ENTREP2: variants seen among roughly 807,000 people sequenced by gnomAD.
ENTREP2 encodes protein ENTREP2.
chr15:29,442,690 A>T, the ENTREP2 span, among the ~76,000 whole-genome samples: 2 of 152,218 alleles, frequency 1.3e-5, no homozygotes, highest in Non-Finnish European at 2.9e-5. Flanking sequence ...ATTGGAGGGC[A>T]CATCAATAAT....
chr15:29,196,315 G>T, the ENTREP2 span: 1 of 1,180,510 alleles, frequency 8.5e-7, no homozygotes, highest in Non-Finnish European at 1.2e-6. Flanking sequence ...CTCTTGCACT[G>T]AACCTACCCC....
At chr15:29,246,378 T>C in the ENTREP2 span, among the ~76,000 whole-genome samples, 4 of 116,236 alleles carry the variant, frequency 3.4e-5, no homozygotes, top group African/African-American at 1.3e-4. Context: ...AGCAACAGAG[T>C]GAAACCCTGT....
the ENTREP2 span, among the ~76,000 whole-genome samples, chr15:29,599,134 A>G: frequency 6.6e-6 from 1 of 152,232 alleles, no homozygotes; most frequent in Non-Finnish European, 1.5e-5. Context: ...TCTCAGCTCT[A>G]CTGGATGTTA....
chr15:29,444,188 AAGAAAGAAAGAAAGAAAGAAAGAAAG>A, the ENTREP2 span, among the ~76,000 whole-genome samples: 1 of 107,364 alleles, frequency 9.3e-6, no homozygotes, highest in African/African-American at 3.7e-5. Context: ...GAAAGAAAGA[AAGAAAGAAAGAAAGAAAGAAAGAAAG>A]AAAGAAAGAA....
At chr15:29,456,847 A>G in the ENTREP2 span, among the ~76,000 whole-genome samples, 1,103 of 152,330 alleles carry the variant, frequency 7.2e-3, 10 homozygotes, top group African/African-American at 0.025. Context: ...CACATAATTC[A>G]TGTGGACTCA....
the ENTREP2 span, among the ~76,000 whole-genome samples, chr15:29,324,837 A>G: frequency 6.6e-6 from 1 of 152,242 alleles, no homozygotes; most frequent in Non-Finnish European, 1.5e-5. Context: ...TCTTCTTAGT[A>G]ATTGATACAT....
chr15:29,498,898 A>G, the ENTREP2 span, among the ~76,000 whole-genome samples: 27 of 152,232 alleles, frequency 1.8e-4, no homozygotes, highest in East Asian at 5.2e-3. Context: ...TTCATTACAT[A>G]ATGACCTTTT....
chr15:29,346,851 A>C, the ENTREP2 span, among the ~76,000 whole-genome samples: 1 of 152,210 alleles, frequency 6.6e-6, no homozygotes, highest in Non-Finnish European at 1.5e-5. Flanking sequence ...ACTAAAGCTA[A>C]AGCTAACCTC....
the ENTREP2 span, among the ~76,000 whole-genome samples, chr15:29,309,232 T>C: frequency 6.6e-6 from 1 of 152,224 alleles, no homozygotes; most frequent in Admixed American, 6.5e-5. Context: ...AATTTGAGTA[T>C]AGTGATAATG....
chr15:29,649,069 C>CAT, the ENTREP2 span, among the ~76,000 whole-genome samples: 1 of 151,830 alleles, frequency 6.6e-6, no homozygotes, highest in Non-Finnish European at 1.5e-5. Context: ...CACACACACA[C>CAT]ACACACACAC....
At chr15:29,252,266 T>C in the ENTREP2 span, 48 of 631,332 alleles carry the variant, frequency 7.6e-5, no homozygotes, top group Non-Finnish European at 1.2e-4. Flanking sequence ...ATTGAAAGTG[T>C]ACATGAGAAC....
the ENTREP2 span, among the ~76,000 whole-genome samples, chr15:29,475,123 T>C: frequency 6.6e-6 from 1 of 152,016 alleles, no homozygotes; most frequent in Non-Finnish European, 1.5e-5. Context: ...AGCGAGAGTG[T>C]GTGGGAGGGG....
the ENTREP2 span, among the ~76,000 whole-genome samples, chr15:29,133,506 C>T: frequency 2.6e-5 from 4 of 152,168 alleles, no homozygotes; most frequent in African/African-American, 7.2e-5. Flanking sequence ...GTGGTCCAGC[C>T]CTGCCCTCCA....
the ENTREP2 span, among the ~76,000 whole-genome samples, chr15:29,164,241 A>G: frequency 6.6e-5 from 10 of 152,340 alleles, 1 homozygote; most frequent in African/African-American, 2.4e-4. Context: ...CAGGACCTAT[A>G]AAACAAAAAT....
At chr15:29,209,585 G>A in the ENTREP2 span, among the ~76,000 whole-genome samples, 1 of 152,168 alleles carries the variant, frequency 6.6e-6, no homozygotes, top group South Asian at 2.1e-4. Flanking sequence ...CTCAAGGCCT[G>A]CCTCAGTTTC....
the ENTREP2 span, among the ~76,000 whole-genome samples, chr15:29,455,108 C>G: frequency 4.6e-5 from 7 of 152,194 alleles, no homozygotes; most frequent in African/African-American, 1.7e-4. Flanking sequence ...CCTCTTACAA[C>G]TCCTGAAACT....
At chr15:29,573,021 G>A in the ENTREP2 span, among the ~76,000 whole-genome samples, 10 of 152,178 alleles carry the variant, frequency 6.6e-5, no homozygotes, top group Admixed American at 2.6e-4. Context: ...AATTGGGTGT[G>A]TTTGGGAGAT....
the ENTREP2 span, among the ~76,000 whole-genome samples, chr15:29,421,412 C>T: frequency 1.3e-5 from 2 of 152,174 alleles, no homozygotes; most frequent in Admixed American, 1.3e-4. Context: ...ACAATGATAT[C>T]TACAACCAAT....
At chr15:29,541,618 A>G in the ENTREP2 span, among the ~76,000 whole-genome samples, 1 of 152,166 alleles carries the variant, frequency 6.6e-6, no homozygotes, top group Non-Finnish European at 1.5e-5. Context: ...TTAAGGGCAG[A>G]ATCTCACACC....
Sources: allele counts gnomAD v4.1 joint callset (sites outside exome capture counted in the v4.1 genomes callset), GRCh38; gene constraint gnomAD v4.1.1; transcripts MANE v1.5; gene names NCBI Gene and HGNC (gene_info 2026-07-23, HGNC 2026-07-21).